GLYATL3: variants seen among roughly 807,000 people sequenced by gnomAD.
The protein encoded by GLYATL3 is glycine-N-acyltransferase like 3, also known as glycine N-acyltransferase-like protein 3.
GLYATL3 carries 31 observed loss-of-function variants against 28.5 expected under a neutral mutation model. The observed-to-expected ratio is 1.09, with a 90% confidence interval of 0.82 to 1.47. The LOEUF (loss-of-function observed/expected upper bound fraction) is 1.47, where lower values mean the gene tolerates loss of function less well. GLYATL3 is among the 40% of genes most tolerant of loss of function. The pLI, the probability that GLYATL3 is intolerant of heterozygous loss-of-function variation, is 0.00. For synonymous variants in GLYATL3, 141 were observed against 140.2 expected (o/e 1.01, Z -0.04); for missense variants, 369 against 351.5 (o/e 1.05, Z -0.40).
At chr6:49,516,472 G>A (rs972701021) in intron 3 of GLYATL3, among the ~76,000 whole-genome samples, 2 of 152,028 alleles carry the variant, frequency 1.3e-5, no homozygotes. Flanking sequence ...GACAACATCT[G>A]CCCCGAGACC....
intron 2 of GLYATL3, among the ~76,000 whole-genome samples, chr6:49,514,174 C>G (rs754525699): frequency 2.0e-5 from 3 of 152,188 alleles, no homozygotes; most frequent in African/African-American, 7.2e-5. Context: ...TGCAATGCCC[C>G]TTTCCAACCG....
At chr6:49,507,098 C>A (rs968106454) in intron 1 of GLYATL3, among the ~76,000 whole-genome samples, 1 of 152,090 alleles carries the variant, frequency 6.6e-6, no homozygotes, top group Non-Finnish European at 1.5e-5. Context: ...GGATCATCAT[C>A]AGGTTCCTTC....
intron 4 of GLYATL3, 35 bp from the exon 5 acceptor site, chr6:49,521,610 T>C: frequency 1.3e-6 from 2 of 1,515,300 alleles, no homozygotes; most frequent in Non-Finnish European, 1.8e-6. Context: ...TCAACTAAAA[T>C]GCCCACATAT....
In GLYATL3 at chr6:49,517,162, A is replaced by G. The variant is rs536922521; in HGVS notation, c.187-268A>G. Among the ~76,000 whole-genome samples, 72 of 150,080 alleles carry G rather than the reference A, an allele frequency of 4.8e-4. 1 individual carries two copies. The highest frequency in any genetic ancestry group is 1.6e-3 in the African/African-American group (67 of 40,980). On this transcript the variant is annotated intron_variant, in intron 3 of 5. Coordinates refer to ENST00000371197, the MANE Select transcript of GLYATL3 (RefSeq NM_001010904.2). Reference sequence around the variant, plus strand: ...CAACAGAGTGAGACTCTGTCTAAAAAAAAAAAAAAGAAAAGAAAGAAAGAC... The same window carrying G: ...CAACAGAGTGAGACTCTGTCTAAAAGAAAAAAAAAGAAAAGAAAGAAAGAC...
At chr6:49,518,100 C>A (rs958648606) in intron 4 of GLYATL3, among the ~76,000 whole-genome samples, 1 of 152,170 alleles carries the variant, frequency 6.6e-6, no homozygotes, top group African/African-American at 2.4e-5. Context: ...TACCTCACTG[C>A]AGCCTTGAAC....
At position 49,527,322 on chromosome 6, in the gene GLYATL3, C is replaced by A. The variant is rs73737192; in HGVS notation, c.*408C>A. ...TTAAAGCCACACCGCTTCCCTACTGCCATCATATTCCCCTGTCCCCACTGC... is the reference window on the plus strand; with the variant it reads ...TTAAAGCCACACCGCTTCCCTACTGACATCATATTCCCCTGTCCCCACTGC... On this transcript the variant is annotated 3_prime_UTR_variant, in exon 6 of 6. Transcript: ENST00000371197. Among the ~76,000 whole-genome samples the A allele has an allele frequency of 4.9e-3, 743 of 152,214 alleles. 8 individuals carry two copies. Among genetic ancestry groups the A allele is most frequent in the African/African-American group, 0.015 (603 of 41,508 alleles).
At position 49,517,453 on chromosome 6, in the gene GLYATL3, T is replaced by G; in HGVS notation, c.210T>G (p.His70Gln). 6.5e-6 allele frequency: 10 copies of G among 1,545,406 alleles called. No individual in the cohort carries two copies. Among genetic ancestry groups the G allele is most frequent in the Non-Finnish European group, 8.7e-6 (10 of 1,143,738 alleles). The change falls in exon 4 of 6, where the codon CAT becomes CAG. Residue 70 changes from histidine (H) to glutamine (Q), a missense_variant. By Grantham distance (24) the His-to-Gln change is conservative. Coordinates refer to ENST00000371197, the MANE Select transcript of GLYATL3 (RefSeq NM_001010904.2). ...QREAETDNLD[H>Q]YTNAYAVFYK... ...AGGCTGAGACAGATAACCTTGATCA[T>G]TATACTAATGCCTATGCTGTGTTCT...
At chr6:49,502,320 C>T (rs1220113341) in intron 1 of GLYATL3, among the ~76,000 whole-genome samples, 2 of 152,186 alleles carry the variant, frequency 1.3e-5, no homozygotes, top group East Asian at 3.8e-4. Flanking sequence ...GATTAGATAA[C>T]CCCTCAGATA....
At chr6:49,508,249 T>A (rs916677650) in intron 1 of GLYATL3, among the ~76,000 whole-genome samples, 1 of 151,958 alleles carries the variant, frequency 6.6e-6, no homozygotes, top group Non-Finnish European at 1.5e-5. Context: ...TGAGCCGAGA[T>A]CGCACCACTG....
Position 49,512,054 on chromosome 6 carries a change from C to T in GLYATL3, c.64C>T (p.Pro22Ser). 7.3e-7 allele frequency: 1 copy of T among 1,364,832 alleles called. No homozygotes were observed. The highest frequency in any genetic ancestry group is 1.0e-6 in the Non-Finnish European group (1 of 978,696). 84.5% of individuals were successfully genotyped at this position (1,364,832 alleles called of 1,614,324 possible). A position where few individuals can be genotyped will look rare whatever the true frequency, so the allele number is the denominator to read the frequency against. The change falls in exon 2 of 6, where the codon CCT becomes TCT. Residue 22 changes from proline to serine, a missense_variant. Pro to Ser is a moderately conservative substitution (Grantham distance 74). Transcript: ENST00000371197. ...ILEKMLKSCF[P>S]ESLKVYGAVM... is the part of the protein sequence containing the mutation. ...GGAGAAAATGTTGAAGAGTTGCTTT[C>T]CTGAATCACTCAAGGTACCATAAAA...
intron 1 of GLYATL3, among the ~76,000 whole-genome samples, chr6:49,506,378 A>T (rs1475558922): frequency 6.6e-6 from 1 of 152,248 alleles, no homozygotes; most frequent in African/African-American, 2.4e-5. Context: ...GTACCGACAA[A>T]CAACTGACAA....
At chr6:49,517,345 T>C in intron 3 of GLYATL3, 85 bp from the exon 4 acceptor site, 2 of 1,204,732 alleles carry the variant, frequency 1.7e-6, no homozygotes, top group South Asian at 4.0e-5. Flanking sequence ...GCTAGACATG[T>C]CCAGCTAACG....
intron 1 of GLYATL3, among the ~76,000 whole-genome samples, chr6:49,510,214 G>C (rs532844924): frequency 1.3e-5 from 2 of 151,718 alleles, no homozygotes; most frequent in South Asian, 4.2e-4. Context: ...GGCTAATTTT[G>C]TATTTTTAGT....
intron 2 of GLYATL3, among the ~76,000 whole-genome samples, chr6:49,512,833 G>A (rs1047991676): frequency 2.0e-5 from 3 of 152,150 alleles, no homozygotes; most frequent in Non-Finnish European, 2.9e-5. Context: ...ATTAAAATTT[G>A]AACAAAAGTG....
rs538898398 is a variant in GLYATL3 at position 49,520,768 on chromosome 6, C to G, written c.314-877C>G. Among the ~76,000 whole-genome samples the G allele has an allele frequency of 1.2e-3, 189 of 152,242 alleles. 1 individual carries two copies. Among genetic ancestry groups the G allele is most frequent in the African/African-American group, 4.0e-3 (167 of 41,560 alleles). ...TGGTGGATTATGCCTGTAATCCAAGCGCTTTGGGAGACCAAGGCAGGAGGA... is the reference window on the plus strand; with the variant it reads ...TGGTGGATTATGCCTGTAATCCAAGGGCTTTGGGAGACCAAGGCAGGAGGA... On this transcript the variant is annotated intron_variant, in intron 4 of 5. Transcript: ENST00000371197.
intron 1 of GLYATL3, among the ~76,000 whole-genome samples, chr6:49,508,017 A>T (rs1016548169): frequency 6.6e-6 from 1 of 152,178 alleles, no homozygotes; most frequent in African/African-American, 2.4e-5. Context: ...TAGCGTGTGC[A>T]TCAGTAATTT....
intron 1 of GLYATL3, among the ~76,000 whole-genome samples, chr6:49,502,335 G>A (rs190719255): frequency 4.5e-4 from 69 of 152,248 alleles, no homozygotes; most frequent in Non-Finnish European, 8.8e-4. Context: ...CAGATACACC[G>A]TCTAAAACTT....
At chr6:49,500,813 T>A (rs1285446980) in intron 1 of GLYATL3, among the ~76,000 whole-genome samples, 1 of 152,186 alleles carries the variant, frequency 6.6e-6, no homozygotes, top group African/African-American at 2.4e-5. Flanking sequence ...TAATCGTCAT[T>A]ATGACTCTCT....
intron 5 of GLYATL3, among the ~76,000 whole-genome samples, chr6:49,522,048 G>C (rs1769326127): frequency 6.6e-6 from 1 of 152,062 alleles, no homozygotes; most frequent in Non-Finnish European, 1.5e-5. Context: ...AGTATCCATG[G>C]AAAAAGCATT....
Sources: allele counts gnomAD v4.1 joint callset (sites outside exome capture counted in the v4.1 genomes callset), GRCh38; gene constraint gnomAD v4.1.1; transcripts MANE v1.5; gene names NCBI Gene and HGNC (gene_info 2026-07-23, HGNC 2026-07-21).